Variants in SLC24A2 observed in about 807,000 individuals in gnomAD.
SLC24A2 encodes sodium/potassium/calcium exchanger 2.
A neutral mutation model predicts 62.0 loss-of-function variants in SLC24A2; 36 were observed. That is an observed-to-expected ratio of 0.58 (90% CI 0.44 to 0.77). The LOEUF (loss-of-function observed/expected upper bound fraction) is 0.77. Among genes scored for constraint, SLC24A2 ranks in the 30% least tolerant of loss-of-function variants. SLC24A2 has a pLI of 0.00. For missense variants in SLC24A2, 846 were observed against 817.9 expected, an observed-to-expected ratio of 1.03 and a Z score of -0.42; for synonymous variants, 358 against 294.0, an observed-to-expected ratio of 1.22 and a Z score of -2.23.
chr9:19,999,097 A>T, the SLC24A2 span, among the ~76,000 whole-genome samples: 1 of 152,256 alleles, frequency 6.6e-6, no homozygotes, highest in Non-Finnish European at 1.5e-5. Context: ...CTGTAAAATG[A>T]AGATGCTAAT....
the SLC24A2 span, among the ~76,000 whole-genome samples, chr9:20,281,020 C>G: frequency 3.3e-5 from 5 of 152,294 alleles, no homozygotes; most frequent in African/African-American, 1.2e-4. Flanking sequence ...GCCTCGACTT[C>G]CTGGGATGAA....
the SLC24A2 span, among the ~76,000 whole-genome samples, chr9:20,067,056 G>C: frequency 1.3e-5 from 2 of 152,078 alleles, no homozygotes; most frequent in African/African-American, 4.8e-5. Flanking sequence ...GAAACAATTT[G>C]TTCTAGATGG....
rs80131395 is a variant in SLC24A2, at chr9:19,632,251, T to C, written c.931-9952A>G. On this transcript the variant is annotated intron_variant, in intron 2 of 10. Coordinates refer to ENST00000341998, the MANE Select transcript of SLC24A2 (RefSeq NM_020344.4). The surrounding 1 kb of genome is among the most constrained non-coding windows in gnomAD (Gnocchi z 4.5). ...TGCTGTCATAGGGAGTCCAGGCAAA[T>C]TGTCATTTTATCTATGCCTACCTGG... 0.017 allele frequency among the ~76,000 whole-genome samples: 2,529 copies of C among 152,312 alleles called. 48 individuals are homozygous for C. The highest frequency in any genetic ancestry group is 0.094 in the East Asian group (485 of 5,172).
chr9:19,930,534 A>C, the SLC24A2 span, among the ~76,000 whole-genome samples: 7 of 152,180 alleles, frequency 4.6e-5, no homozygotes, highest in African/African-American at 1.7e-4. Context: ...ATGATTGTAC[A>C]TCATATACTG....
chr9:20,027,085 A>G, the SLC24A2 span, among the ~76,000 whole-genome samples: 1 of 152,242 alleles, frequency 6.6e-6, no homozygotes, highest in African/African-American at 2.4e-5. Context: ...ATCACTAATC[A>G]TCAGAGAAAT....
intron 2 of SLC24A2, among the ~76,000 whole-genome samples, chr9:19,775,395 T>C (rs143172534): frequency 1.7e-3 from 265 of 152,348 alleles, no homozygotes; most frequent in Admixed American, 2.7e-3. Flanking sequence ...CTGTGATCTA[T>C]GCCTTTTTTA....
chr9:19,720,355 T>C (rs1273299399), intron 2 of SLC24A2, among the ~76,000 whole-genome samples: 4 of 152,206 alleles, frequency 2.6e-5, no homozygotes, highest in Non-Finnish European at 5.9e-5. Context: ...GGGACATCAC[T>C]TTGACTTATT....
At chr9:19,652,438 A>T (rs1371815731) in intron 2 of SLC24A2, among the ~76,000 whole-genome samples, 1 of 152,140 alleles carries the variant, frequency 6.6e-6, no homozygotes, top group Non-Finnish European at 1.5e-5. Flanking sequence ...AAGGGTCCTC[A>T]TAAGAGGGAG....
At chr9:19,853,964 T>C in the SLC24A2 span, among the ~76,000 whole-genome samples, 5 of 152,356 alleles carry the variant, frequency 3.3e-5, 1 homozygote, top group African/African-American at 9.6e-5. Flanking sequence ...AGGCTATGTA[T>C]TACTGCCTCA....
At chr9:19,665,526 C>T (rs1355357463) in intron 2 of SLC24A2, among the ~76,000 whole-genome samples, 1 of 152,074 alleles carries the variant, frequency 6.6e-6, no homozygotes, top group Non-Finnish European at 1.5e-5. Flanking sequence ...TGGAAACAGG[C>T]TTTAGAATCA....
chr9:20,240,311 G>T, the SLC24A2 span, among the ~76,000 whole-genome samples: 2 of 152,204 alleles, frequency 1.3e-5, no homozygotes, highest in African/African-American at 2.4e-5. Context: ...CCCATGGGTT[G>T]TAACTCAGGA....
At chr9:19,751,355 A>G (rs1587267127) in intron 2 of SLC24A2, among the ~76,000 whole-genome samples, 1 of 152,316 alleles carries the variant, frequency 6.6e-6, no homozygotes, top group East Asian at 1.9e-4. Context: ...TATAGTTAGT[A>G]AACCGGTGGT....
chr9:19,765,568 C>T (rs1822489202), intron 2 of SLC24A2, among the ~76,000 whole-genome samples: 1 of 152,130 alleles, frequency 6.6e-6, no homozygotes, highest in African/African-American at 2.4e-5. Context: ...CTTAGTTTGG[C>T]TGGATATGAA....
rs1319195651 is a variant in SLC24A2 at position 19,636,369 on chromosome 9, TTC to T, written c.931-14072_931-14071del. The stretch of plus-strand genomic sequence containing the variant: ...TTTCTTTCTTTCTTTCTTTCTTTCT[TTC>T]TTTCTTTCTTTCTTTCTCCCTCTCT... On this transcript the variant is annotated intron_variant, in intron 2 of 10. Coordinates refer to ENST00000341998, the MANE Select transcript of SLC24A2 (RefSeq NM_020344.4). 8.6e-4 allele frequency among the ~76,000 whole-genome samples: 30 copies of T among 35,018 alleles called. No homozygotes were observed. In the South Asian group the frequency reaches 0.03, roughly 35 times the overall value. 23.0% of individuals were successfully genotyped at this position (35,018 alleles called of 152,430 possible). A position where few individuals can be genotyped will look rare whatever the true frequency, so the allele number is the denominator to read the frequency against.
the SLC24A2 span, among the ~76,000 whole-genome samples, chr9:20,260,074 C>A: frequency 1.3e-5 from 2 of 152,120 alleles, no homozygotes; most frequent in East Asian, 1.9e-4. Context: ...CAGAGTGAGA[C>A]CCTGTCTCAA....
At chr9:19,969,835 T>C in the SLC24A2 span, among the ~76,000 whole-genome samples, 1 of 152,176 alleles carries the variant, frequency 6.6e-6, no homozygotes, top group Non-Finnish European at 1.5e-5. Context: ...AATCCAATTG[T>C]TGAGAATATC....
At chr9:19,676,802 T>A (rs1462277835) in intron 2 of SLC24A2, among the ~76,000 whole-genome samples, 1 of 152,210 alleles carries the variant, frequency 6.6e-6, no homozygotes, top group African/African-American at 2.4e-5. Flanking sequence ...ACTATTTTAT[T>A]ATTTAATAGT....
the SLC24A2 span, among the ~76,000 whole-genome samples, chr9:20,209,039 C>G: frequency 3.3e-5 from 5 of 152,276 alleles, no homozygotes; most frequent in Middle Eastern, 3.4e-3. Flanking sequence ...TATGCCCTCT[C>G]TGTAAAATGG....
the SLC24A2 span, chr9:19,927,057 T>G: frequency 6.6e-6 from 1 of 152,220 alleles, no homozygotes; most frequent in African/African-American, 2.4e-5. Flanking sequence ...AAAGGGAGAC[T>G]CCAGAGCTGC....
Sources: gnomAD v4.1 joint callset for allele counts (sites outside exome capture counted in the v4.1 genomes callset) on GRCh38, gnomAD v4.1.1 for gene constraint, Gnocchi (gnomAD v3.1) non-coding constraint, MANE v1.5 for transcripts, NCBI Gene and HGNC (gene_info 2026-07-23, HGNC 2026-07-21) for gene names.